ALCAM: variants seen among roughly 807,000 people sequenced by gnomAD.
ALCAM encodes activated leukocyte cell adhesion molecule, also known as CD166 antigen.
Under a neutral mutation model 70.9 loss-of-function variants are expected in ALCAM, and 30 were observed. The observed-to-expected ratio is 0.42, with a 90% CI of 0.32 to 0.57. The LOEUF is 0.57. Ranked by LOEUF, ALCAM falls within the 20% of genes least tolerant of loss-of-function variation. The pLI, the probability that ALCAM is intolerant of heterozygous loss-of-function variation, is 0.11. For missense variants in ALCAM, 591 were observed against 695.1 expected, an observed-to-expected ratio of 0.85 and a Z score of 1.68; for synonymous variants, 249 against 242.5, an observed-to-expected ratio of 1.03 and a Z score of -0.25.
chr3:105,404,323 A>C (rs1936165518), intron 1 of ALCAM, among the ~76,000 whole-genome samples: 1 of 152,176 alleles, frequency 6.6e-6, no homozygotes, highest in Non-Finnish European at 1.5e-5. Flanking sequence ...GAATCTTAAG[A>C]GCTGTGAGGC....
At chr3:105,524,906 A>T in intron 3 of ALCAM, 1 of 987,214 alleles carries the variant, frequency 1.0e-6, no homozygotes, top group Non-Finnish European at 1.2e-6. Context: ...TATTTGGCTG[A>T]ACCAAATGAA....
intron 1 of ALCAM, among the ~76,000 whole-genome samples, chr3:105,427,082 T>C (rs964114583): frequency 3.9e-5 from 6 of 151,928 alleles, no homozygotes; most frequent in Non-Finnish European, 7.4e-5. Context: ...TTTTCCTTAT[T>C]GTCACCACTG....
chr3:105,475,680 GA>G (rs1459069296), intron 1 of ALCAM, among the ~76,000 whole-genome samples: 1 of 151,826 alleles, frequency 6.6e-6, no homozygotes, highest in Non-Finnish European at 1.5e-5. Flanking sequence ...TAAGTTTAAG[GA>G]AAAACACTTT....
At chr3:105,547,335 C>T in intron 10 of ALCAM, 51 bp downstream of exon 10, 1 of 1,573,708 alleles carries the variant, frequency 6.4e-7, no homozygotes, top group Non-Finnish European at 8.6e-7. Context: ...GAATTTTTTA[C>T]CTGGTTTCTT....
At chr3:105,514,507 A>AT (rs1939328189) in intron 1 of ALCAM, among the ~76,000 whole-genome samples, 1 of 152,024 alleles carries the variant, frequency 6.6e-6, no homozygotes, top group Non-Finnish European at 1.5e-5. Context: ...TCGATAGTGT[A>AT]TTTTTAAAAC....
intron 5 of ALCAM, 84 bp from the exon 6 acceptor site, chr3:105,534,578 CT>C: frequency 7.5e-7 from 1 of 1,335,284 alleles, no homozygotes; most frequent in Non-Finnish European, 1.1e-6. Context: ...AAAAAAAACA[CT>C]TCTCAAAGGT....
chr3:105,426,400 T>C (rs1047162671), intron 1 of ALCAM, among the ~76,000 whole-genome samples: 3 of 152,098 alleles, frequency 2.0e-5, no homozygotes, highest in Admixed American at 1.3e-4. Context: ...ACCATATTTA[T>C]GGCAAAATGT....
intron 6 of ALCAM, among the ~76,000 whole-genome samples, chr3:105,535,469 C>A (rs1939947803): frequency 6.6e-6 from 1 of 151,966 alleles, no homozygotes; most frequent in Admixed American, 6.6e-5. Flanking sequence ...TGATTAGAAG[C>A]AAAAATTCTG....
chr3:105,576,496 T>C lies in ALCAM; in HGVS notation c.*2045T>C, dbSNP rs1488116320. The C allele has an allele frequency of 1.3e-5, 2 of 152,630 alleles. No individual in the cohort carries two copies. The highest frequency in any genetic ancestry group is 2.9e-5 in the Non-Finnish European group (2 of 68,046). The allele number at this position is 152,630 out of a possible 1,614,324, so 9.5% of individuals were successfully genotyped here. A position where few individuals can be genotyped will look rare whatever the true frequency, so the allele number is the denominator to read the frequency against. On this transcript the variant is annotated 3_prime_UTR_variant, in exon 16 of 16. Coordinates refer to ENST00000306107, the MANE Select transcript of ALCAM (RefSeq NM_001627.4). ...AGCAACATGACAATAGAGAGAGTTA[T>C]GCTACAATTATTTCTTGGTTTCCAC...
chr3:105,555,787 A>G (rs577719901), intron 14 of ALCAM, among the ~76,000 whole-genome samples: 20 of 152,074 alleles, frequency 1.3e-4, no homozygotes, highest in African/African-American at 4.3e-4. Context: ...AGACTTGGCA[A>G]TTGTGTTCTT....
chr3:105,372,468 G>C (rs989101964), intron 1 of ALCAM, among the ~76,000 whole-genome samples: 1 of 152,056 alleles, frequency 6.6e-6, no homozygotes, highest in Admixed American at 6.6e-5. Context: ...GCCCATTACT[G>C]TAGTCTATGT....
At chr3:105,521,751 T>C (rs1939550823) in intron 2 of ALCAM, among the ~76,000 whole-genome samples, 1 of 152,162 alleles carries the variant, frequency 6.6e-6, no homozygotes, top group African/African-American at 2.4e-5. Flanking sequence ...TCTGTGATGC[T>C]GCAGAATCCT....
rs562188451 is a variant in ALCAM, at chr3:105,482,059, C to T, written c.74-38008C>T. On this transcript the variant is annotated intron_variant, in intron 1 of 15. Transcript: ENST00000306107. ...AATGGAAAACAAATGAACAAAAGAG[C>T]CAAGAAATATTATTTGAAAACTGAT... is the stretch of plus-strand genomic sequence containing the variant. Among the ~76,000 whole-genome samples the T allele has an allele frequency of 1.5e-4, 23 of 152,118 alleles. No homozygotes were observed. The South Asian group carries it at 4.1e-3, about 27-fold the overall frequency.
At chr3:105,492,388 C>T (rs1391632918) in intron 1 of ALCAM, among the ~76,000 whole-genome samples, 1 of 152,162 alleles carries the variant, frequency 6.6e-6, no homozygotes, top group Non-Finnish European at 1.5e-5. Flanking sequence ...TTTCAAATAG[C>T]TAAATTAATT....
Position 105,367,206 on chromosome 3 carries a change from G to A in ALCAM, c.-203G>A, listed in dbSNP as rs868043130. On this transcript the variant is annotated 5_prime_UTR_variant, in exon 1 of 16. Transcript: ENST00000306107. Reference sequence around the variant, plus strand: ...GGCTGGTGTTGACCGGGAGGGAGGAGGAGTTGGGGGCATTGCGTGGTGGAA... The same window carrying A: ...GGCTGGTGTTGACCGGGAGGGAGGAAGAGTTGGGGGCATTGCGTGGTGGAA... 126 of 575,232 alleles carry A rather than the reference G, an allele frequency of 2.2e-4. 1 individual carries two copies. The Middle Eastern group carries it at 2.8e-3, about 13-fold the overall frequency. 35.6% of individuals were successfully genotyped at this position (575,232 alleles called of 1,614,324 possible).
chr3:105,536,220 A>G (rs900845946), intron 6 of ALCAM, among the ~76,000 whole-genome samples: 1 of 151,738 alleles, frequency 6.6e-6, no homozygotes, highest in Non-Finnish European at 1.5e-5. Context: ...CAGCCTCCCA[A>G]GTAGCTGGGA....
At chr3:105,390,863 ATTGT>A (rs1425660029) in intron 1 of ALCAM, among the ~76,000 whole-genome samples, 3 of 151,974 alleles carry the variant, frequency 2.0e-5, no homozygotes, top group African/African-American at 4.8e-5. Flanking sequence ...TCCTTTCCTC[ATTGT>A]TTGTTTTTGT....
At chr3:105,372,584 C>T (rs1216978351) in intron 1 of ALCAM, among the ~76,000 whole-genome samples, 3 of 152,072 alleles carry the variant, frequency 2.0e-5, no homozygotes, top group South Asian at 4.1e-4. Flanking sequence ...CAATCCAAAA[C>T]ATCTTCTAAC....
intron 1 of ALCAM, among the ~76,000 whole-genome samples, chr3:105,401,691 G>C (rs1936092843): frequency 6.6e-6 from 1 of 152,114 alleles, no homozygotes; most frequent in African/African-American, 2.4e-5. Context: ...AGTTGAAGAA[G>C]TTGAGTAAAG....
Sources: gnomAD v4.1 joint callset for allele counts (sites outside exome capture counted in the v4.1 genomes callset) on GRCh38, gnomAD v4.1.1 for gene constraint, MANE v1.5 for transcripts, NCBI Gene and HGNC (gene_info 2026-07-23, HGNC 2026-07-21) for gene names.